The following CLTCL1 variants were observed in gnomAD, a reference collection of about 807,000 sequenced individuals.
CLTCL1 encodes clathrin heavy chain 2.
Under a neutral mutation model 190.0 loss-of-function variants are expected in CLTCL1, and 159 were observed. That is an observed-to-expected ratio of 0.84 (90% confidence interval 0.74 to 0.95). The LOEUF is 0.95. Among genes scored for constraint, CLTCL1 ranks in the 40% least tolerant of loss-of-function variants. The pLI is 0.00. For synonymous variants in CLTCL1, 752 were observed against 769.6 expected (o/e 0.98, Z 0.38); for missense variants, 1,878 against 2,033.4 (o/e 0.92, Z 1.47).
At chr22:19,261,253 C>G (rs1381212606) in intron 2 of CLTCL1, among the ~76,000 whole-genome samples, 1 of 152,072 alleles carries the variant, frequency 6.6e-6, no homozygotes, top group Non-Finnish European at 1.5e-5. Context: ...GCTGGGACTA[C>G]AGGCGCCCAA....
At chr22:19,197,268 CTT>C (rs782139506) in intron 24 of CLTCL1, among the ~76,000 whole-genome samples, 4 of 152,120 alleles carry the variant, frequency 2.6e-5, no homozygotes, top group African/African-American at 4.8e-5. Context: ...CCTCACACCT[CTT>C]GTTTTCCCAA....
chr22:19,239,788 C>T (rs1344380031), intron 4 of CLTCL1, among the ~76,000 whole-genome samples: 4 of 152,088 alleles, frequency 2.6e-5, no homozygotes, highest in Admixed American at 6.6e-5. Flanking sequence ...TCACTGGAGG[C>T]GAAACTCACG....
rs547754098 is a variant in CLTCL1 at position 19,222,607 on chromosome 22, G to A, written c.2418+77C>T. On this transcript the variant is annotated intron_variant, in intron 15 of 32. Transcript: ENST00000427926. ...AGTCTCTGAAATGTCAGGTGTTACAGGCAGCCTCTGAGGGGAAGACTGCCA... is the reference window on the plus strand; with the variant it reads ...AGTCTCTGAAATGTCAGGTGTTACAAGCAGCCTCTGAGGGGAAGACTGCCA... 2.6e-6 allele frequency: 4 copies of A among 1,515,622 alleles called. No individual in the cohort carries two copies. In the South Asian group the frequency reaches 4.9e-5, roughly 18 times the overall value. 93.9% of individuals were successfully genotyped at this position (1,515,622 alleles called of 1,614,324 possible).
Position 19,223,922 on chromosome 22 carries a change from T to C in CLTCL1, c.2261A>G (p.Tyr754Cys). 2 of 1,613,914 alleles carry C rather than the reference T, an allele frequency of 1.2e-6. No individual in the cohort carries two copies. The highest frequency in any genetic ancestry group is 8.5e-7 in the Non-Finnish European group (1 of 1,179,896). The change falls in exon 14 of 33, where the codon TAC becomes TGC. Residue 754 changes from tyrosine to cysteine, a missense_variant. Transcript: ENST00000427926. ...VERICRESSC[Y>C]NPERVKNFLK... ...GAAGTTCTTCACACGCTCTGGGTTG[T>C]AGCAGCTGCTCTCTCGGCATATCCT... is the stretch of plus-strand genomic sequence containing the variant.
intron 1 of CLTCL1, among the ~76,000 whole-genome samples, chr22:19,285,772 G>GA (rs1306290456): frequency 6.6e-6 from 1 of 152,176 alleles, no homozygotes; most frequent in East Asian, 1.9e-4. Flanking sequence ...ACAGATTGCA[G>GA]AAAGATTCCC....
At position 19,210,268 on chromosome 22, in the gene CLTCL1, C is replaced by T; in HGVS notation, c.3249+58G>A. Reference sequence around the variant, plus strand: ...TTGGAGAGGACAAGGGCTTGCAGGGCGCACTCATGATGTGGCAGAAGGTGC... The same window carrying T: ...TTGGAGAGGACAAGGGCTTGCAGGGTGCACTCATGATGTGGCAGAAGGTGC... On this transcript the variant is annotated intron_variant, in intron 20 of 32. Coordinates refer to ENST00000427926, the MANE Select transcript of CLTCL1 (RefSeq NM_007098.4). The T allele has an allele frequency of 7.2e-6, 11 of 1,537,094 alleles. No individual in the cohort carries two copies. The South Asian group carries it at 9.5e-5, about 13-fold the overall frequency.
At chr22:19,255,473 G>A in intron 2 of CLTCL1, among the ~76,000 whole-genome samples, 1 of 152,038 alleles carries the variant, frequency 6.6e-6, no homozygotes, top group Non-Finnish European at 1.5e-5. Flanking sequence ...TGAGGCAGGA[G>A]AATCGCTTGA....
At chr22:19,232,359 A>C in intron 10 of CLTCL1, 117 bp downstream of exon 10, 2 of 1,407,018 alleles carry the variant, frequency 1.4e-6, no homozygotes, top group Non-Finnish European at 1.9e-6. Flanking sequence ...TTAAAACTGC[A>C]AGATTAATAG....
intron 2 of CLTCL1, among the ~76,000 whole-genome samples, chr22:19,264,502 C>T (rs1295913717): frequency 5.3e-5 from 8 of 152,144 alleles, no homozygotes; most frequent in East Asian, 3.9e-4. Context: ...ATGTTAACAG[C>T]GGAATTATTT....
At chr22:19,241,768 ATG>A (rs1207534727) in intron 4 of CLTCL1, among the ~76,000 whole-genome samples, 1 of 152,078 alleles carries the variant, frequency 6.6e-6, no homozygotes, top group African/African-American at 2.4e-5. Context: ...GCCGCTGGCC[ATG>A]TCCCTGAGCC....
chr22:19,272,735 G>A (rs1392412194), intron 2 of CLTCL1, among the ~76,000 whole-genome samples: 1 of 152,068 alleles, frequency 6.6e-6, no homozygotes, highest in Non-Finnish European at 1.5e-5. Flanking sequence ...GCCTCCCAAA[G>A]TGTTGGGATT....
rs1448518659 is a variant in CLTCL1, at chr22:19,260,669, C to T, written c.251-6442G>A. ...TGGTGCATGCCTGTAATTCCAGCTA[C>T]TTGGGAGGCTGAGGCAGGAGAATCC... On this transcript the variant is annotated intron_variant, in intron 2 of 32. Transcript: ENST00000427926. 2.0e-5 allele frequency among the ~76,000 whole-genome samples: 3 copies of T among 148,976 alleles called. No individual in the cohort carries two copies. In the Admixed American group the frequency reaches 2.1e-4, roughly 10 times the overall value.
At chr22:19,202,272 A>C (rs1191039717) in intron 22 of CLTCL1, among the ~76,000 whole-genome samples, 2 of 152,046 alleles carry the variant, frequency 1.3e-5, no homozygotes, top group East Asian at 3.8e-4. Flanking sequence ...CTGCAGAGCT[A>C]AACACAGACA....
intron 12 of CLTCL1, 23 bp downstream of exon 12, chr22:19,226,196 G>A (rs1237692464): frequency 1.2e-6 from 2 of 1,608,948 alleles, no homozygotes; most frequent in South Asian, 1.1e-5. Flanking sequence ...GCCATAATAG[G>A]AGTGCCCAGG....
chr22:19,224,489 G>A (rs534169667), intron 13 of CLTCL1, among the ~76,000 whole-genome samples: 5 of 152,174 alleles, frequency 3.3e-5, no homozygotes, highest in Admixed American at 6.5e-5. Context: ...GGCACCACAT[G>A]CTGAGCCCCA....
At chr22:19,268,051 GT>G (rs1555978697) in intron 2 of CLTCL1, among the ~76,000 whole-genome samples, 1 of 152,174 alleles carries the variant, frequency 6.6e-6, no homozygotes, top group African/African-American at 2.4e-5. Context: ...TGGTTTGAAT[GT>G]TTTTTGTTCT....
At chr22:19,182,622 C>A (rs970830941) in intron 30 of CLTCL1, 2 of 152,238 alleles carry the variant, frequency 1.3e-5, no homozygotes, top group African/African-American at 4.8e-5. Flanking sequence ...TCCTACCTCC[C>A]ACTCACCTGG....
At chr22:19,266,975 T>C (rs2087141088) in intron 2 of CLTCL1, among the ~76,000 whole-genome samples, 2 of 152,346 alleles carry the variant, frequency 1.3e-5, no homozygotes, top group South Asian at 4.1e-4. Context: ...TGTTTAATAC[T>C]GTACTGGGTA....
At position 19,265,490 on chromosome 22, in the gene CLTCL1, T is replaced by C. The variant is rs1472321179; in HGVS notation, c.250+10133A>G. 2.0e-5 allele frequency among the ~76,000 whole-genome samples: 3 copies of C among 152,096 alleles called. No homozygotes were observed. The East Asian group carries it at 5.8e-4, about 29-fold the overall frequency. Reference sequence around the variant, plus strand: ...CAGGTTGTTGAGTTTATAACATATATAGATGCATATATGCATCTTATTTTC... The same window carrying C: ...CAGGTTGTTGAGTTTATAACATATACAGATGCATATATGCATCTTATTTTC... On this transcript the variant is annotated intron_variant, in intron 2 of 32. Coordinates refer to ENST00000427926, the MANE Select transcript of CLTCL1 (RefSeq NM_007098.4).
Sources: gnomAD v4.1 joint callset for allele counts (sites outside exome capture counted in the v4.1 genomes callset) on GRCh38, gnomAD v4.1.1 for gene constraint, MANE v1.5 for transcripts, NCBI Gene and HGNC (gene_info 2026-07-23, HGNC 2026-07-21) for gene names.